The following RFC3 variants were observed in gnomAD, a reference collection of about 807,000 sequenced individuals.
RFC3 encodes replication factor C subunit 3, also known as A1 38 kDa subunit.
A neutral mutation model predicts 45.1 loss-of-function variants in RFC3; 41 were observed. That is an observed-to-expected ratio of 0.91 (90% CI 0.71 to 1.18). The LOEUF is 1.18. Among genes scored for constraint, RFC3 ranks in the 50% most tolerant of loss-of-function variants. The pLI, the probability that RFC3 is intolerant of heterozygous loss-of-function variation, is 0.00. For missense variants in RFC3, 423 were observed against 428.1 expected, an observed-to-expected ratio of 0.99 and a Z score of 0.10; for synonymous variants, 149 against 144.0, an observed-to-expected ratio of 1.03 and a Z score of -0.25.
In RFC3 at chr13:33,966,426, G is replaced by A. The variant is rs2083088143; in HGVS notation, c.*301G>A. On this transcript the variant is annotated 3_prime_UTR_variant, in exon 9 of 9. Transcript: ENST00000434425. ...GAGGACAATAAATTTGATGAATGGG[G>A]ACCATGGAAGTTTATTTCCATCTGT... The A allele has an allele frequency of 2.5e-5, 10 of 406,502 alleles. No homozygotes were observed. In the East Asian group the frequency reaches 3.8e-4, roughly 15 times the overall value. The allele number at this position is 406,502 out of a possible 1,614,324, so 25.2% of individuals were successfully genotyped here. A position where few individuals can be genotyped will look rare whatever the true frequency, so the allele number is the denominator to read the frequency against.
intron 8 of RFC3, among the ~76,000 whole-genome samples, chr13:33,927,464 C>A (rs2137758260): frequency 6.6e-6 from 1 of 152,218 alleles, no homozygotes; most frequent in East Asian, 1.9e-4. Flanking sequence ...AAAGTCACAG[C>A]AGGCTGTTTT....
At chr13:33,957,979 A>G (rs900947649) in intron 8 of RFC3, among the ~76,000 whole-genome samples, 1 of 152,182 alleles carries the variant, frequency 6.6e-6, no homozygotes, top group East Asian at 1.9e-4. Flanking sequence ...CTGTCTTTAT[A>G]AATCTTATAT....
intron 8 of RFC3, among the ~76,000 whole-genome samples, chr13:33,933,769 A>C (rs977359889): frequency 1.3e-5 from 2 of 152,236 alleles, no homozygotes; most frequent in East Asian, 3.9e-4. Context: ...ATTTGTTTGC[A>C]TTTATATTTT....
chr13:33,947,247 A>G (rs2082960164), intron 8 of RFC3, among the ~76,000 whole-genome samples: 1 of 152,148 alleles, frequency 6.6e-6, no homozygotes, highest in Non-Finnish European at 1.5e-5. Flanking sequence ...TTCTCATGAT[A>G]ATGAGTGAGT....
At chr13:33,909,812 C>T (rs559445584) in intron 8 of RFC3, among the ~76,000 whole-genome samples, 29 of 152,080 alleles carry the variant, frequency 1.9e-4, no homozygotes, top group East Asian at 2.0e-4. Context: ...CTTGACATCT[C>T]GTAGGAAAGA....
In RFC3 at chr13:33,929,363, A is replaced by G. The variant is rs17080211; in HGVS notation, c.880-36724A>G. ...TAGAAGAGTTTTGCCATCTAAATAC[A>G]TCGCTGACTTCATATTGCAAGTCAA... On this transcript the variant is annotated intron_variant, in intron 8 of 8. Coordinates refer to the RFC3 transcript ENST00000434425. Among the ~76,000 whole-genome samples, 247 of 152,262 alleles carry G rather than the reference A, an allele frequency of 1.6e-3. 7 individuals are homozygous for G. The East Asian group carries it at 0.041, about 25-fold the overall frequency.
intron 8 of RFC3, among the ~76,000 whole-genome samples, chr13:33,946,567 A>G (rs929821147): frequency 2.0e-5 from 3 of 152,250 alleles, no homozygotes; most frequent in African/African-American, 7.2e-5. Flanking sequence ...TTTTAAGCAT[A>G]TAACTTTTCT....
chr13:33,959,750 C>T (rs1359116604), intron 8 of RFC3, among the ~76,000 whole-genome samples: 1 of 152,270 alleles, frequency 6.6e-6, no homozygotes, highest in African/African-American at 2.4e-5. Flanking sequence ...ACCTTGCACC[C>T]ATTTCCTGTT....
intron 8 of RFC3, among the ~76,000 whole-genome samples, chr13:33,884,897 T>G (rs527488902): frequency 2.6e-5 from 4 of 152,250 alleles, no homozygotes; most frequent in Non-Finnish European, 5.9e-5. Flanking sequence ...AGTATAGTTC[T>G]TGCTTTTCAA....
the RFC3 span, among the ~76,000 whole-genome samples, chr13:33,974,261 T>A: frequency 6.6e-6 from 1 of 152,216 alleles, no homozygotes; most frequent in African/African-American, 2.4e-5. Context: ...TTTTTTCTTT[T>A]TATTTACTTG....
At chr13:33,874,149 A>G (rs1405785936) in intron 8 of RFC3, among the ~76,000 whole-genome samples, 1 of 152,190 alleles carries the variant, frequency 6.6e-6, no homozygotes, top group Non-Finnish European at 1.5e-5. Flanking sequence ...GCTAATTATG[A>G]TTATTCCATA....
chr13:33,941,820 T>G (rs1397681566), intron 8 of RFC3, among the ~76,000 whole-genome samples: 2 of 152,178 alleles, frequency 1.3e-5, no homozygotes, highest in Non-Finnish European at 2.9e-5. Flanking sequence ...AAACATCTCT[T>G]CAATATTGCT....
intron 8 of RFC3, among the ~76,000 whole-genome samples, chr13:33,887,424 A>G (rs1191560470): frequency 6.6e-6 from 1 of 152,048 alleles, no homozygotes; most frequent in African/African-American, 2.4e-5. Flanking sequence ...TTGGCTGCAT[A>G]AATGTCTTCT....
chr13:33,875,777 C>A (rs1223269695), intron 8 of RFC3, among the ~76,000 whole-genome samples: 7 of 152,066 alleles, frequency 4.6e-5, no homozygotes, highest in African/African-American at 1.4e-4. Context: ...GTTATATGTT[C>A]CCCGTCAATC....
intron 6 of RFC3, 66 bp from the exon 7 acceptor site, chr13:33,831,190 G>T: frequency 3.1e-6 from 3 of 981,948 alleles, no homozygotes; most frequent in Non-Finnish European, 4.9e-6. Context: ...CAGTGGTTGG[G>T]GACTCCTGTT....
At chr13:33,839,379 G>C (rs1054197091), downstream of RFC3, among the ~76,000 whole-genome samples, 1 of 152,130 alleles carries the variant, frequency 6.6e-6, no homozygotes, top group African/African-American at 2.4e-5. Context: ...TCCTTGCCCC[G>C]ATGTTGAATC....
chr13:33,921,846 TTATC>T (rs2082770818), intron 8 of RFC3, among the ~76,000 whole-genome samples: 1 of 152,150 alleles, frequency 6.6e-6, no homozygotes, highest in East Asian at 1.9e-4. Context: ...TTTGAACTAA[TTATC>T]TAATTTTAAA....
At chr13:33,919,410 T>C (rs1044505067) in intron 8 of RFC3, among the ~76,000 whole-genome samples, 2 of 152,112 alleles carry the variant, frequency 1.3e-5, no homozygotes, top group Non-Finnish European at 2.9e-5. Context: ...TTGGCTGATA[T>C]TGAAGTTCTT....
At chr13:33,826,680 T>G (rs982120685) in intron 4 of RFC3, among the ~76,000 whole-genome samples, 2 of 143,284 alleles carry the variant, frequency 1.4e-5, no homozygotes, top group African/African-American at 5.6e-5. Flanking sequence ...TACTAACATA[T>G]CCTACTTTTA....
Sources: gnomAD v4.1 joint callset for allele counts (sites outside exome capture counted in the v4.1 genomes callset) on GRCh38, gnomAD v4.1.1 for gene constraint, MANE v1.5 for transcripts, NCBI Gene and HGNC (gene_info 2026-07-23, HGNC 2026-07-21) for gene names.